Variants in TMEM164 observed in about 807,000 individuals in gnomAD.
The protein encoded by TMEM164 is transmembrane protein 164.
In TMEM164, 4 loss-of-function variants were observed where a neutral mutation model predicts 18.8. The observed-to-expected ratio is 0.21, with a 90% CI of 0.10 to 0.49. The LOEUF (loss-of-function observed/expected upper bound fraction) is 0.49. TMEM164 is among the 20% of genes least tolerant of loss of function. The pLI, the probability that TMEM164 is intolerant of heterozygous loss-of-function variation, is 0.98. For synonymous variants in TMEM164, 86 were observed against 101.7 expected (o/e 0.85, Z 0.93); for missense variants, 108 against 239.9 (o/e 0.45, Z 3.63).
At chrX:110,115,445 T>C (rs191525123) in intron 4 of TMEM164, among the ~76,000 whole-genome samples, 158 of 112,060 alleles carry the variant, frequency 1.4e-3, no homozygotes, top group Non-Finnish European at 1.7e-3. Flanking sequence ...ATGTTTCTGA[T>C]CAGATGAATG....
chrX:110,096,928 A>G (rs185348401), intron 3 of TMEM164, among the ~76,000 whole-genome samples: 32 of 111,984 alleles, frequency 2.9e-4, no homozygotes, highest in African/African-American at 9.4e-4. Flanking sequence ...TGGGAAAAAA[A>G]TGTATACACT....
At chrX:110,009,520 T>C (rs929972557) in intron 2 of TMEM164, among the ~76,000 whole-genome samples, 1 of 112,331 alleles carries the variant, frequency 8.9e-6, no homozygotes, top group Non-Finnish European at 1.9e-5. Flanking sequence ...GTGGGAACAC[T>C]TTTTTAAAGT....
At chrX:110,014,744 C>CTTTTTTTTTTTTTTTTTTTT (rs142705177) in intron 2 of TMEM164, among the ~76,000 whole-genome samples, 28 of 54,229 alleles carry the variant, frequency 5.2e-4, no homozygotes, top group Admixed American at 7.4e-4. Context: ...TTGGTTGTTT[C>CTTTTTTTTTTTTTTTTTTTT]TTTTTTTTTT....
chrX:110,157,045 C>T (rs2067026499), intron 5 of TMEM164, among the ~76,000 whole-genome samples: 1 of 111,807 alleles, frequency 8.9e-6, no homozygotes, highest in Non-Finnish European at 1.9e-5. Context: ...TCAGGGGAAT[C>T]TGGACTAGAC....
chrX:110,060,795 A>C (rs1322459359), intron 2 of TMEM164, among the ~76,000 whole-genome samples: 1 of 111,443 alleles, frequency 9.0e-6, no homozygotes, highest in Non-Finnish European at 1.9e-5. Context: ...AATGCCCCTG[A>C]TTTGGGTTTA....
At chrX:110,102,887 T>C (rs1021614708) in intron 3 of TMEM164, among the ~76,000 whole-genome samples, 1 of 112,388 alleles carries the variant, frequency 8.9e-6, no homozygotes, top group African/African-American at 3.2e-5. Flanking sequence ...CTCATAAAAA[T>C]TGTTAGCTTT....
At chrX:110,012,660 A>G (rs756746426) in intron 2 of TMEM164, among the ~76,000 whole-genome samples, 12 of 111,924 alleles carry the variant, frequency 1.1e-4, no homozygotes, top group African/African-American at 3.9e-4. Context: ...ATCTCCCTCC[A>G]CAGTGCTTGG....
chrX:110,031,970 CCTT>C (rs1024684117), intron 2 of TMEM164, among the ~76,000 whole-genome samples: 1 of 110,270 alleles, frequency 9.1e-6, no homozygotes, highest in African/African-American at 3.3e-5. Flanking sequence ...AAGAATATCT[CCTT>C]CTCACTCTCT....
chrX:110,084,477 TAGAGAG>T (rs369187031), intron 3 of TMEM164, among the ~76,000 whole-genome samples: 3 of 48,946 alleles, frequency 6.1e-5, no homozygotes, highest in East Asian at 1.1e-3. Context: ...TATATATATA[TAGAGAG>T]AGAGAGAGAG....
At chrX:110,059,665 C>G (rs1936019537) in intron 2 of TMEM164, among the ~76,000 whole-genome samples, 1 of 112,012 alleles carries the variant, frequency 8.9e-6, no homozygotes, top group Admixed American at 9.4e-5. Flanking sequence ...GCATGTAGCC[C>G]AAGACAGCTT....
intron 3 of TMEM164, among the ~76,000 whole-genome samples, chrX:110,104,828 A>G (rs758129624): frequency 9.0e-6 from 1 of 111,705 alleles, no homozygotes; most frequent in South Asian, 3.7e-4. Flanking sequence ...GTTAAAAGTT[A>G]TAGGCAGATT....
chrX:110,112,245 A>G (rs2066300500), intron 4 of TMEM164, among the ~76,000 whole-genome samples: 2 of 111,637 alleles, frequency 1.8e-5, no homozygotes, highest in Admixed American at 9.5e-5. Context: ...AGGCAGGAGA[A>G]TCACTTGAAC....
Position 110,111,863 on chromosome X carries a change from A to C in TMEM164, c.507+2717A>C, listed in dbSNP as rs760917317. 2.7e-5 allele frequency among the ~76,000 whole-genome samples: 3 copies of C among 111,663 alleles called. No homozygotes were observed. In the South Asian group the frequency reaches 1.1e-3, roughly 42 times the overall value. Reference sequence around the variant, plus strand: ...CATTCAGTCAATATTGTTACACAAAAGGTACATATCTCCCTGGGTCTGCTG... The same window carrying C: ...CATTCAGTCAATATTGTTACACAAACGGTACATATCTCCCTGGGTCTGCTG... On this transcript the variant is annotated intron_variant, in intron 4 of 6. Transcript: ENST00000372068.
intron 4 of TMEM164, among the ~76,000 whole-genome samples, chrX:110,128,244 C>G (rs1316788450): frequency 8.9e-6 from 1 of 111,843 alleles, no homozygotes; most frequent in African/African-American, 3.3e-5. Flanking sequence ...GCTTGAGCCT[C>G]TGCTCCTTCA....
intron 5 of TMEM164, among the ~76,000 whole-genome samples, chrX:110,168,713 G>A (rs918550538): frequency 3.6e-5 from 4 of 112,034 alleles, no homozygotes; most frequent in Non-Finnish European, 7.5e-5. Context: ...TTCTCTTCTC[G>A]CCCACATGCT....
intron 4 of TMEM164, among the ~76,000 whole-genome samples, chrX:110,130,749 G>T (rs1383063083): frequency 9.3e-6 from 1 of 107,462 alleles, no homozygotes; most frequent in East Asian, 2.9e-4. Context: ...TTGGTCCAAA[G>T]AAATTTCTTT....
chrX:110,169,626 C>T (rs1044718578), intron 5 of TMEM164, among the ~76,000 whole-genome samples: 20 of 112,210 alleles, frequency 1.8e-4, no homozygotes, highest in African/African-American at 6.5e-4. Flanking sequence ...AAGCTGGCCA[C>T]CCATGGGCTG....
chrX:110,075,530 T>C (rs887713836), intron 3 of TMEM164, among the ~76,000 whole-genome samples: 1 of 111,672 alleles, frequency 9.0e-6, no homozygotes, highest in African/African-American at 3.3e-5. Flanking sequence ...ATCCTTGTCT[T>C]GTTCCAGTTC....
intron 3 of TMEM164, among the ~76,000 whole-genome samples, chrX:110,098,760 G>A (rs771146861): frequency 1.5e-3 from 159 of 109,456 alleles, no homozygotes; most frequent in African/African-American, 4.9e-3. Context: ...TTCTTTTGGT[G>A]AAGTGTCTGT....
Sources: allele counts gnomAD v4.1 joint callset (sites outside exome capture counted in the v4.1 genomes callset), GRCh38; gene constraint gnomAD v4.1.1; transcripts MANE v1.5; gene names NCBI Gene and HGNC (gene_info 2026-07-23, HGNC 2026-07-21).